The following TRPC1 variants were observed in gnomAD, a reference collection of about 807,000 sequenced individuals.
The protein encoded by TRPC1 is transient receptor potential cation channel subfamily C member 1, also known as short transient receptor potential channel 1.
TRPC1 carries 42 observed loss-of-function variants against 88.2 expected under a neutral mutation model. The ratio of observed to expected loss-of-function variants is 0.48; its 90% CI spans 0.37 to 0.62. The LOEUF (loss-of-function observed/expected upper bound fraction) is 0.62, where lower values mean the gene tolerates loss of function less well. TRPC1 is among the 20% of genes least tolerant of loss of function. The probability of loss-of-function intolerance (pLI) is 0.00; values close to 1 mark genes in which losing one functional copy is unlikely to be tolerated. For synonymous variants in TRPC1, 288 were observed against 331.8 expected (o/e 0.87, Z 1.43); for missense variants, 699 against 957.3 (o/e 0.73, Z 3.56).
intron 4 of TRPC1, among the ~76,000 whole-genome samples, chr3:142,754,233 T>C (rs1259511436): frequency 6.6e-6 from 1 of 151,870 alleles, no homozygotes; most frequent in East Asian, 1.9e-4. Flanking sequence ...AGTAATATAA[T>C]AGCTGTGATT....
At position 142,806,104 on chromosome 3, in the gene TRPC1, C is replaced by A. The variant is rs756560480; in HGVS notation, c.2251C>A (p.Gln751Lys). Residue 751 changes from glutamine (Q) to lysine (K), a missense_variant, in exon 13 of 13, where the codon CAA becomes AAA. Gln to Lys is a moderately conservative substitution (Grantham distance 53, BLOSUM62 1). This residue lies in a region of TRPC1 where 105 missense variants were observed against 141.7 expected (regional missense o/e 0.74). Coordinates refer to ENST00000476941, the MANE Select transcript of TRPC1 (RefSeq NM_001251845.2). ...CTTGACTTCCATGAGACAGAAGATG[C>A]AAAGTACAGATCAGGCAACTGTGGA... ...RYLTSMRQKMQSTDQATVENL... is the reference protein window; with the variant it reads ...RYLTSMRQKMKSTDQATVENL... The A allele has an allele frequency of 1.2e-5, 19 of 1,613,896 alleles. No homozygotes were observed. The highest frequency in any genetic ancestry group is 1.6e-5 in the Non-Finnish European group (19 of 1,179,908).
chr3:142,751,973 A>G (rs1934781179), intron 4 of TRPC1, among the ~76,000 whole-genome samples: 1 of 152,220 alleles, frequency 6.6e-6, no homozygotes, highest in South Asian at 2.1e-4. Flanking sequence ...TAAAATGACT[A>G]GTTTATAAAA....
chr3:142,728,775 T>G (rs1317092787), intron 1 of TRPC1, among the ~76,000 whole-genome samples: 7 of 152,280 alleles, frequency 4.6e-5, no homozygotes, highest in Admixed American at 4.6e-4. Context: ...AACACCTTAT[T>G]TATATATAAT....
At chr3:142,738,128 A>G (rs1934209521) in intron 2 of TRPC1, among the ~76,000 whole-genome samples, 1 of 152,222 alleles carries the variant, frequency 6.6e-6, no homozygotes, top group African/African-American at 2.4e-5. Context: ...TATAGATGTT[A>G]CATTTTATAG....
At chr3:142,800,147 T>C (rs1936574576) in intron 9 of TRPC1, among the ~76,000 whole-genome samples, 1 of 152,172 alleles carries the variant, frequency 6.6e-6, no homozygotes, top group Admixed American at 6.6e-5. Flanking sequence ...GATGCTTTTC[T>C]TTCTCAAGGT....
intron 3 of TRPC1, among the ~76,000 whole-genome samples, chr3:142,744,590 A>G (rs761219053): frequency 1.3e-5 from 2 of 152,322 alleles, no homozygotes; most frequent in East Asian, 3.9e-4. Context: ...AGTTAGGAAC[A>G]TGGAAAAATA....
intron 4 of TRPC1, among the ~76,000 whole-genome samples, chr3:142,766,469 C>T (rs535824367): frequency 1.1e-4 from 17 of 150,796 alleles, no homozygotes; most frequent in African/African-American, 3.9e-4. Context: ...GTTGCGATCT[C>T]AGCTCACTGC....
In TRPC1 at chr3:142,807,605, A is replaced by G. The variant is rs950038766; in HGVS notation, c.*1370A>G. The G allele has an allele frequency of 2.6e-5, 4 of 152,152 alleles. No individual in the cohort carries two copies. The highest frequency in any genetic ancestry group is 4.4e-5 in the Non-Finnish European group (3 of 68,024). The allele number at this position is 152,152 out of a possible 1,614,324, so 9.4% of individuals were successfully genotyped here. A position where few individuals can be genotyped will look rare whatever the true frequency, so the allele number is the denominator to read the frequency against. On this transcript the variant is annotated 3_prime_UTR_variant, in exon 13 of 13. Transcript: ENST00000476941. The stretch of plus-strand genomic sequence containing the variant: ...ATTGTTTGTTTCATCTTGCTTTTGC[A>G]TTTTTATTTTTTAATTTCCAAATTT...
intron 9 of TRPC1, chr3:142,794,036 G>GA: frequency 2.4e-6 from 1 of 421,860 alleles, no homozygotes; most frequent in Non-Finnish European, 3.2e-6. Context: ...AAGCCTCTGA[G>GA]AAAAAAATTT....
chr3:142,767,511 T>A lies in TRPC1; in HGVS notation c.633-10121T>A, dbSNP rs1430752206. ...TTTCCTTTTTTTGGTGATTTCTACT[T>A]TAATTCTGTTGTGGTTAGAGATTAT... On this transcript the variant is annotated intron_variant, in intron 4 of 12. Coordinates refer to ENST00000476941, the MANE Select transcript of TRPC1 (RefSeq NM_001251845.2). This position sits in a 1 kb window ranked among gnomAD's most constrained non-coding sequence, Gnocchi z 5.1. 6.6e-6 allele frequency among the ~76,000 whole-genome samples: 1 copy of A among 150,442 alleles called. No homozygotes were observed. The highest frequency in any genetic ancestry group is 6.6e-5 in the Admixed American group (1 of 15,122).
At chr3:142,745,276 TG>T (rs1244320064) in intron 3 of TRPC1, among the ~76,000 whole-genome samples, 1 of 152,214 alleles carries the variant, frequency 6.6e-6, no homozygotes, top group Non-Finnish European at 1.5e-5. Flanking sequence ...TTTCCTTTCC[TG>T]GGGGAAGGGT....
intron 3 of TRPC1, among the ~76,000 whole-genome samples, chr3:142,746,008 C>A (rs1211653720): frequency 6.6e-6 from 1 of 152,096 alleles, no homozygotes; most frequent in Non-Finnish European, 1.5e-5. Context: ...CTACCCTTCT[C>A]GGCCTCCCAA....
At chr3:142,737,801 T>C (rs1185846865) in intron 2 of TRPC1, among the ~76,000 whole-genome samples, 1 of 152,228 alleles carries the variant, frequency 6.6e-6, no homozygotes, top group Non-Finnish European at 1.5e-5. Flanking sequence ...AGTTAAATTA[T>C]ATTCAGTACC....
chr3:142,804,836 G>T (rs1936738072), intron 12 of TRPC1, among the ~76,000 whole-genome samples: 1 of 152,130 alleles, frequency 6.6e-6, no homozygotes, highest in African/African-American at 2.4e-5. Flanking sequence ...GCTGGGTGCG[G>T]TGGCTCACGC....
In TRPC1 at chr3:142,748,317, C is replaced by T; in HGVS notation, c.489C>T (p.Val163=). ...CAACAACTATGGATGTTGCACCTGT[C>T]ATTTTAGCTGCTCATCGTAACAACT... The part of the protein sequence containing the change: ...EYSTTMDVAP[V]ILAAHRNNYE... The change falls in exon 4 of 13, where the codon GTC becomes GTT. Residue 163 remains valine, a synonymous_variant. Coordinates refer to ENST00000476941, the MANE Select transcript of TRPC1 (RefSeq NM_001251845.2). The T allele has an allele frequency of 6.2e-7, 1 of 1,614,092 alleles. No homozygotes were observed.
chr3:142,784,743 G>A lies in TRPC1; in HGVS notation c.1000G>A (p.Val334Ile). ...QSNCQQFLNT[V>I]WFGQMSGYRR... ...TAACTGCCAGCAGTTCCTGAACACTGTTTGGTTTGGACAGATGTCGGGTTA... is the reference window on the plus strand; with the variant it reads ...TAACTGCCAGCAGTTCCTGAACACTATTTGGTTTGGACAGATGTCGGGTTA... Residue 334 changes from valine to isoleucine, a missense_variant, in exon 7 of 13, where the codon GTT becomes ATT. This residue lies in a region of TRPC1 where 426 missense variants were observed against 641.3 expected (regional missense o/e 0.66). Coordinates refer to ENST00000476941, the MANE Select transcript of TRPC1 (RefSeq NM_001251845.2). 6.2e-7 allele frequency: 1 copy of A among 1,613,954 alleles called. No homozygotes were observed. Among genetic ancestry groups the A allele is most frequent in the Non-Finnish European group, 8.5e-7 (1 of 1,179,932 alleles).
At chr3:142,750,539 A>G (rs1934719971) in intron 4 of TRPC1, among the ~76,000 whole-genome samples, 2 of 152,234 alleles carry the variant, frequency 1.3e-5, no homozygotes, top group South Asian at 2.1e-4. Context: ...CAGAAATACC[A>G]TTTGACCCAA....
intron 3 of TRPC1, among the ~76,000 whole-genome samples, chr3:142,747,071 A>G (rs1934583324): frequency 6.6e-6 from 1 of 152,210 alleles, no homozygotes; most frequent in South Asian, 2.1e-4. Flanking sequence ...ATTCTGGGCT[A>G]TGTAAAGATC....
chr3:142,750,209 CTTAAA>C (rs562917800), intron 4 of TRPC1, among the ~76,000 whole-genome samples: 138 of 152,068 alleles, frequency 9.1e-4, no homozygotes, highest in African/African-American at 3.2e-3. Flanking sequence ...CTACAAGGAA[CTTAAA>C]TTTATGAGAA....
Sources: gnomAD v4.1 joint callset for allele counts (sites outside exome capture counted in the v4.1 genomes callset) on GRCh38, gnomAD v4.1.1 for gene constraint, gnomAD v4.1.1 regional missense constraint, Gnocchi (gnomAD v3.1) non-coding constraint, MANE v1.5 for transcripts, NCBI Gene and HGNC (gene_info 2026-07-23, HGNC 2026-07-21) for gene names.